Variants in ACSL6 observed in about 807,000 individuals in gnomAD.
The protein encoded by ACSL6 is long-chain-fatty-acid--CoA ligase 6.
ACSL6 carries 47 observed loss-of-function variants against 98.2 expected under a neutral mutation model. The observed-to-expected ratio is 0.48, with a 90% CI of 0.38 to 0.61. ACSL6 has a LOEUF of 0.61. Among genes scored for constraint, ACSL6 ranks in the 20% least tolerant of loss-of-function variants. The pLI is 0.00. For synonymous variants in ACSL6, 362 were observed against 336.9 expected (o/e 1.07, Z -0.82); for missense variants, 761 against 913.4 (o/e 0.83, Z 2.15).
chr5:131,961,919 T>C (rs1193841195), intron 18 of ACSL6, among the ~76,000 whole-genome samples: 1 of 152,092 alleles, frequency 6.6e-6, no homozygotes, highest in African/African-American at 2.4e-5. Context: ...ATGCCTCTAA[T>C]CCCAGCACTC....
At chr5:131,973,483 T>C in intron 11 of ACSL6, 83 bp from the exon 12 acceptor site, 3 of 1,455,850 alleles carry the variant, frequency 2.1e-6, no homozygotes, top group Non-Finnish European at 2.8e-6. Flanking sequence ...AGTGCTGCCC[T>C]ACATGGAGGG....
chr5:131,962,800 A>G (rs1367371021), intron 17 of ACSL6, 122 bp from the exon 18 acceptor site: 1 of 1,150,620 alleles, frequency 8.7e-7, no homozygotes, highest in Non-Finnish European at 1.2e-6. Context: ...TTTCTTTTCC[A>G]TCTGTTGTGT....
In ACSL6 at chr5:131,981,360, C is replaced by G. The variant is rs988826572; in HGVS notation, c.916+4047G>C. On this transcript the variant is annotated intron_variant, in intron 9 of 20. Coordinates refer to ENST00000651883, the MANE Select transcript of ACSL6 (RefSeq NM_001009185.3). ...AAAAAAAAAAACACAACTTTCTCCTCAAGTATAACACACACATGGAAAAGT... is the reference window on the plus strand; with the variant it reads ...AAAAAAAAAAACACAACTTTCTCCTGAAGTATAACACACACATGGAAAAGT... Among the ~76,000 whole-genome samples, 22 of 149,710 alleles carry G rather than the reference C, an allele frequency of 1.5e-4. No homozygotes were observed. In the Middle Eastern group the frequency reaches 0.024, roughly 165 times the overall value.
chr5:131,984,458 G>A (rs370012059), intron 9 of ACSL6: 2 of 152,378 alleles, frequency 1.3e-5, no homozygotes, highest in South Asian at 2.1e-4. Context: ...TGACATCCAC[G>A]TCATCAGATG....
chr5:131,979,235 T>C (rs574905761), intron 9 of ACSL6, among the ~76,000 whole-genome samples: 96 of 152,292 alleles, frequency 6.3e-4, no homozygotes, highest in South Asian at 2.7e-3. Context: ...ACCTAGCAAT[T>C]TCTTCCCACT....
chr5:132,010,417 A>G (rs1372818049), intron 1 of ACSL6, among the ~76,000 whole-genome samples: 2 of 152,208 alleles, frequency 1.3e-5, no homozygotes, highest in African/African-American at 4.8e-5. Flanking sequence ...AACTCAGTAA[A>G]AAAAGGGATG....
At chr5:131,967,237 C>G (rs1753057968) in intron 16 of ACSL6, among the ~76,000 whole-genome samples, 1 of 152,048 alleles carries the variant, frequency 6.6e-6, no homozygotes, top group Non-Finnish European at 1.5e-5. Flanking sequence ...GTCCTAGCTA[C>G]TTGAGAGGCT....
intron 1 of ACSL6, chr5:132,007,069 C>T (rs1755448860): frequency 6.6e-6 from 1 of 151,832 alleles, no homozygotes; most frequent in East Asian, 1.9e-4. Flanking sequence ...TCTTATGTAC[C>T]CTGTGTGCCC....
chr5:131,986,352 G>A (rs560574109), intron 8 of ACSL6, among the ~76,000 whole-genome samples: 27 of 152,286 alleles, frequency 1.8e-4, no homozygotes, highest in Middle Eastern at 3.4e-3. Context: ...GGCCCATCCC[G>A]GGGGCAGCTG....
chr5:132,011,388 T>C lies in ACSL6; in HGVS notation c.49+117A>G. On this transcript the variant is annotated intron_variant, in intron 1 of 20. Transcript: ENST00000651883. The surrounding 1 kb of genome is among the most constrained non-coding windows in gnomAD (Gnocchi z 5.4). ...GCCCTGGGGACCTTGACGGGACAGC[T>C]CAGCAGCAGGGGATGGGGGCTCGGC... 2 of 1,147,446 alleles carry C rather than the reference T, an allele frequency of 1.7e-6. No homozygotes were observed. Among genetic ancestry groups the C allele is most frequent in the Non-Finnish European group, 2.6e-6 (2 of 775,500 alleles). 71.1% of individuals were successfully genotyped at this position (1,147,446 alleles called of 1,614,324 possible).
At chr5:131,961,333 T>A (rs1440736851) in intron 18 of ACSL6, among the ~76,000 whole-genome samples, 1 of 152,118 alleles carries the variant, frequency 6.6e-6, no homozygotes, top group Non-Finnish European at 1.5e-5. Flanking sequence ...CCTATTTTGA[T>A]TTTTAAAGCA....
At chr5:131,997,885 C>T (rs951757259) in intron 1 of ACSL6, among the ~76,000 whole-genome samples, 1 of 152,214 alleles carries the variant, frequency 6.6e-6, no homozygotes, top group Non-Finnish European at 1.5e-5. Flanking sequence ...CTTGCGTTTA[C>T]ACTGAGGTTC....
At position 131,973,760 on chromosome 5, in the gene ACSL6, G is replaced by A. The variant is rs145006069; in HGVS notation, c.1069-360C>T. 2.7e-3 allele frequency: 493 copies of A among 179,632 alleles called. 4 individuals are homozygous for A. The highest frequency in any genetic ancestry group is 0.011 in the African/African-American group (468 of 42,426). The allele number at this position is 179,632 out of a possible 1,614,324, so 11.1% of individuals were successfully genotyped here. A position where few individuals can be genotyped will look rare whatever the true frequency, so the allele number is the denominator to read the frequency against. On this transcript the variant is annotated intron_variant, in intron 11 of 20. Coordinates refer to ENST00000651883, the MANE Select transcript of ACSL6 (RefSeq NM_001009185.3). ...TGAGATGTACTACAGCCTACTAATG[G>A]GTCTGCTCCAGGTCTTAGAGTTGTT...
At chr5:132,007,120 G>T (rs571415693) in intron 1 of ACSL6, 2 of 152,340 alleles carry the variant, frequency 1.3e-5, no homozygotes, top group African/African-American at 4.8e-5. Context: ...ACCTGGCCCT[G>T]CCCTCAAGGA....
chr5:131,970,262 C>T, intron 14 of ACSL6, 62 bp from the exon 15 acceptor site: 1 of 1,488,186 alleles, frequency 6.7e-7, no homozygotes. Flanking sequence ...AACTGGCCAC[C>T]CCTTCCAGAC....
In ACSL6 at chr5:131,994,250, C is replaced by T. The variant is rs77931625; in HGVS notation, c.51G>A (p.Glu17=). 403 of 1,606,662 alleles carry T rather than the reference C, an allele frequency of 2.5e-4. 6 individuals carry two copies. In the East Asian group the frequency reaches 8.6e-3, roughly 34 times the overall value. ...TCTTCTCCAGAAGTGAGAGGACAAA[C>T]TCTGTTGAAAACAAGAGTCAGATAA... ...VSGGSLWLFV[E]FVLSLLEKMQ... is the part of the protein sequence containing the mutation. The change falls in exon 2 of 21, where the codon GAG becomes GAA. Residue 17 remains glutamate (E), a splice_region_variant and synonymous_variant. Transcript: ENST00000651883.
upstream of ACSL6, chr5:132,012,069 G>A (rs1264578375): frequency 9.8e-6 from 11 of 1,123,274 alleles, no homozygotes; most frequent in African/African-American, 3.2e-5. Context: ...AGGCTCGAAT[G>A]GCAGCCGGGT....
At chr5:131,982,222 C>A (rs1454573817) in intron 9 of ACSL6, 1 of 141,524 alleles carries the variant, frequency 7.1e-6, no homozygotes, top group African/African-American at 2.7e-5. Flanking sequence ...CGGCTCACTG[C>A]AAGCTCTGCC....
chr5:131,989,981 AC>A (rs1754417934), intron 4 of ACSL6, 118 bp downstream of exon 4: 2 of 1,102,340 alleles, frequency 1.8e-6, no homozygotes, highest in African/African-American at 1.6e-5. Flanking sequence ...AGTTTGGCAG[AC>A]AGGCCAGGGA....
Sources: allele counts gnomAD v4.1 joint callset (sites outside exome capture counted in the v4.1 genomes callset), GRCh38; gene constraint gnomAD v4.1.1; non-coding constraint Gnocchi (gnomAD v3.1); transcripts MANE v1.5; gene names NCBI Gene and HGNC (gene_info 2026-07-23, HGNC 2026-07-21).